CHST6: variants seen among roughly 807,000 people sequenced by gnomAD.
The protein encoded by CHST6 is N-acetylglucosamine 6-O-sulfotransferase 5.
For missense variants in CHST6, 698 were observed against 586.2 expected, an observed-to-expected ratio of 1.19 and a Z score of -1.97; for synonymous variants, 309 against 276.4, an observed-to-expected ratio of 1.12 and a Z score of -1.17.
intron 1 of CHST6, among the ~76,000 whole-genome samples, chr16:75,491,188 AAAATATAT>A (rs1421819308): frequency 2.4e-4 from 15 of 63,286 alleles, no homozygotes; most frequent in African/African-American, 1.0e-3. Context: ...AAAAAAAAAA[AAAATATAT>A]ATATATATAT....
rs1438351052 is a variant in CHST6 at position 75,479,815 on chromosome 16, C to T, written c.14G>A (p.Arg5His). 1.3e-6 allele frequency: 2 copies of T among 1,561,174 alleles called. No individual in the cohort carries two copies. Among genetic ancestry groups the T allele is most frequent in the Non-Finnish European group, 1.7e-6 (2 of 1,155,060 alleles). MWLP[R>H]VSSTAVTALL... ...CGCGGTCACTGCTGTGCTGGAGACG[C>T]GCGGCAGCCACATGCTGACTGCTGG... Residue 5 changes from arginine (R) to histidine (H), a missense_variant, in exon 3 of 3, where the codon CGC becomes CAC. Transcript: ENST00000332272.
At chr16:75,482,838 G>C (rs1238346415) in intron 1 of CHST6, among the ~76,000 whole-genome samples, 2 of 152,076 alleles carry the variant, frequency 1.3e-5, no homozygotes, top group African/African-American at 2.4e-5. Context: ...GGCAACAGGG[G>C]TGGGTGGAGG....
chr16:75,483,072 C>T (rs528628819), intron 1 of CHST6, among the ~76,000 whole-genome samples: 6 of 152,226 alleles, frequency 3.9e-5, no homozygotes, highest in Admixed American at 2.0e-4. Context: ...CAAGTCCACG[C>T]GATGACTTAA....
rs774593319 is a variant in CHST6, at chr16:75,481,797, G to A, written c.-17+20C>T. The A allele has an allele frequency of 2.6e-5, 13 of 499,894 alleles. No homozygotes were observed. Among genetic ancestry groups the A allele is most frequent in the Admixed American group, 7.1e-5 (3 of 42,552 alleles). The allele number at this position is 499,894 out of a possible 1,614,324, so 31.0% of individuals were successfully genotyped here. On this transcript the variant is annotated intron_variant, in intron 2 of 2. Transcript: ENST00000332272. ...AGAGGTGAGAGCAGAGGACTGTCCC[G>A]GCCAGCTGAGGGGACTCACCACTGT...
At chr16:75,484,009 G>A (rs1206561798) in intron 1 of CHST6, among the ~76,000 whole-genome samples, 1 of 151,746 alleles carries the variant, frequency 6.6e-6, no homozygotes, top group East Asian at 1.9e-4. Flanking sequence ...GGAAAACGGA[G>A]AAAGACCCTG....
At chr16:75,486,311 A>G (rs1020958817) in intron 1 of CHST6, among the ~76,000 whole-genome samples, 1 of 152,226 alleles carries the variant, frequency 6.6e-6, no homozygotes, top group African/African-American at 2.4e-5. Context: ...GAGGATCAGC[A>G]CTGCACAGGT....
In CHST6 at chr16:75,479,847, T is replaced by C; in HGVS notation, c.-16-3A>G. On this transcript the variant is annotated splice_region_variant and splice_polypyrimidine_tract_variant and intron_variant, in intron 2 of 2. Coordinates refer to ENST00000332272, the MANE Select transcript of CHST6 (RefSeq NM_021615.5). Reference sequence around the variant, plus strand: ...GCCACATGCTGACTGCTGGGGGCCTTAGGGAGGAGAGCGCAGCGGTTAGGG... The same window carrying C: ...GCCACATGCTGACTGCTGGGGGCCTCAGGGAGGAGAGCGCAGCGGTTAGGG... The C allele has an allele frequency of 1.3e-6, 2 of 1,545,354 alleles. No individual in the cohort carries two copies. Among genetic ancestry groups the C allele is most frequent in the East Asian group, 2.4e-5 (1 of 41,448 alleles).
rs1003828142 is a variant in CHST6, at chr16:75,476,543, A to G, written c.*2098T>C. 1 of 121,314 alleles carries G rather than the reference A, an allele frequency of 8.2e-6. No individual in the cohort carries two copies. The highest frequency in any genetic ancestry group is 3.2e-5 in the African/African-American group (1 of 30,944). The allele number at this position is 121,314 out of a possible 1,614,324, so 7.5% of individuals were successfully genotyped here. A position where few individuals can be genotyped will look rare whatever the true frequency, so the allele number is the denominator to read the frequency against. On this transcript the variant is annotated 3_prime_UTR_variant, in exon 3 of 3. Transcript: ENST00000332272. ...GCCACTGCACTCCAGCCTGGGCGAC[A>G]GAGCCAGACTCCATCTCAAAAAAAA... is the stretch of plus-strand genomic sequence containing the variant.
At position 75,478,356 on chromosome 16, in the gene CHST6, A is replaced by C; in HGVS notation, c.*285T>G. 2.0e-6 allele frequency: 1 copy of C among 489,820 alleles called. No homozygotes were observed. The highest frequency in any genetic ancestry group is 3.7e-6 in the Non-Finnish European group (1 of 268,228). 30.3% of individuals were successfully genotyped at this position (489,820 alleles called of 1,614,324 possible). On this transcript the variant is annotated 3_prime_UTR_variant, in exon 3 of 3. Coordinates refer to ENST00000332272, the MANE Select transcript of CHST6 (RefSeq NM_021615.5). ...TTAAAGGGGAAGAAAGCCCTTGAGT[A>C]GGAGCCAAGTCATCTGAACGCACAC...
intron 2 of CHST6, among the ~76,000 whole-genome samples, chr16:75,480,700 G>C (rs937552704): frequency 6.6e-6 from 1 of 151,966 alleles, no homozygotes; most frequent in Non-Finnish European, 1.5e-5. Context: ...AGGCCGAGGT[G>C]GGTGGATCAC....
rs1056058286 is a variant in CHST6, at chr16:75,472,320, A to G, written c.*6321T>C. The G allele has an allele frequency of 6.6e-6, 1 of 152,210 alleles. No individual in the cohort carries two copies. Among genetic ancestry groups the G allele is most frequent in the Admixed American group, 6.5e-5 (1 of 15,270 alleles). 9.4% of individuals were successfully genotyped at this position (152,210 alleles called of 1,614,324 possible). A position where few individuals can be genotyped will look rare whatever the true frequency, so the allele number is the denominator to read the frequency against. On this transcript the variant is annotated 3_prime_UTR_variant, in exon 3 of 3. Coordinates refer to ENST00000332272, the MANE Select transcript of CHST6 (RefSeq NM_021615.5). Reference sequence around the variant, plus strand: ...TTAAGAAGCCTGAGGGGAAAATGCCATAAAGTAAGTTAACAAAACAACAAC... The same window carrying G: ...TTAAGAAGCCTGAGGGGAAAATGCCGTAAAGTAAGTTAACAAAACAACAAC...
At chr16:75,484,111 G>A (rs921282247) in intron 1 of CHST6, among the ~76,000 whole-genome samples, 5 of 152,138 alleles carry the variant, frequency 3.3e-5, no homozygotes, top group African/African-American at 1.2e-4. Flanking sequence ...GCTGAGGCGG[G>A]TGGATCACCT....
intron 1 of CHST6, among the ~76,000 whole-genome samples, chr16:75,487,101 G>T (rs978308034): frequency 5.9e-5 from 9 of 152,212 alleles, no homozygotes; most frequent in Admixed American, 4.6e-4. Flanking sequence ...CAGATACTCT[G>T]TGGTCCACAT....
chr16:75,484,230 G>A (rs1200869323), intron 1 of CHST6, among the ~76,000 whole-genome samples: 1 of 151,908 alleles, frequency 6.6e-6, no homozygotes, highest in African/African-American at 2.4e-5. Context: ...CCAGCTACTC[G>A]GGAGGCTGAG....
rs746532267 is a variant in CHST6, at chr16:75,478,847, T to A, written c.982A>T (p.Asn328Tyr). 1 of 1,613,488 alleles carries A rather than the reference T, an allele frequency of 6.2e-7. No individual in the cohort carries two copies. Reference sequence around the variant, plus strand: ...GCATGGCGCCAGGCCTGGGAGACGTTGAGCGCATTCCTGGACGAAGTCTTG... The same window carrying A: ...GCATGGCGCCAGGCCTGGGAGACGTAGAGCGCATTCCTGGACGAAGTCTTG... The part of the protein sequence containing the change: ...AFKTSSRNAL[N>Y]VSQAWRHALP... The change falls in exon 3 of 3, where the codon AAC becomes TAC. Residue 328 changes from asparagine (N) to tyrosine (Y), a missense_variant. By Grantham distance (143) the Asn-to-Tyr change is moderately radical. Transcript: ENST00000332272.
rs973955124 is a variant in CHST6 at position 75,477,467 on chromosome 16, T to G, written c.*1174A>C. On this transcript the variant is annotated 3_prime_UTR_variant, in exon 3 of 3. Transcript: ENST00000332272. ...CAGGTAACAGGGTCAGAAGTTCTGT[T>G]GGCAGCCAACACAGTTCCCAGACCA... The G allele has an allele frequency of 2.0e-5, 3 of 152,212 alleles. No individual in the cohort carries two copies. The highest frequency in any genetic ancestry group is 4.4e-5 in the Non-Finnish European group (3 of 68,040). 9.4% of individuals were successfully genotyped at this position (152,212 alleles called of 1,614,324 possible). A position where few individuals can be genotyped will look rare whatever the true frequency, so the allele number is the denominator to read the frequency against.
At chr16:75,491,029 G>A (rs1359103684) in intron 1 of CHST6, among the ~76,000 whole-genome samples, 4 of 150,936 alleles carry the variant, frequency 2.7e-5, no homozygotes, top group Non-Finnish European at 4.4e-5. Flanking sequence ...TGGGCCGGAC[G>A]CAGTGGCTCA....
At position 75,472,540 on chromosome 16, in the gene CHST6, A is replaced by C. The variant is rs1208083501; in HGVS notation, c.*6101T>G. The C allele has an allele frequency of 6.6e-6, 1 of 152,240 alleles. No individual in the cohort carries two copies. The highest frequency in any genetic ancestry group is 2.1e-4 in the South Asian group (1 of 4,838). 9.4% of individuals were successfully genotyped at this position (152,240 alleles called of 1,614,324 possible). A position where few individuals can be genotyped will look rare whatever the true frequency, so the allele number is the denominator to read the frequency against. The stretch of plus-strand genomic sequence containing the variant: ...TTAAAGAAGTGCAGACTGAAACATC[A>C]AGTAACATTTTTCACCCATCAGGTA... On this transcript the variant is annotated 3_prime_UTR_variant, in exon 3 of 3. Coordinates refer to ENST00000332272, the MANE Select transcript of CHST6 (RefSeq NM_021615.5).
At chr16:75,489,755 CTATT>C (rs1294144216) in intron 1 of CHST6, among the ~76,000 whole-genome samples, 2 of 150,372 alleles carry the variant, frequency 1.3e-5, no homozygotes, top group Non-Finnish European at 2.9e-5. Flanking sequence ...GGCAAATATC[CTATT>C]TAGTTTTTTA....
Sources: allele counts gnomAD v4.1 joint callset (sites outside exome capture counted in the v4.1 genomes callset), GRCh38; gene constraint gnomAD v4.1.1; transcripts MANE v1.5; gene names NCBI Gene and HGNC (gene_info 2026-07-23, HGNC 2026-07-21).